GRHL1: variants seen among roughly 807,000 people sequenced by gnomAD.
GRHL1 encodes grainyhead like transcription factor 1.
A neutral mutation model predicts 75.7 loss-of-function variants in GRHL1; 38 were observed. The observed-to-expected ratio is 0.50, with a 90% CI of 0.39 to 0.66. The LOEUF is 0.66. Ranked by LOEUF, GRHL1 falls within the 30% of genes least tolerant of loss-of-function variation. GRHL1 has a pLI of 0.00. For synonymous variants in GRHL1, 266 were observed against 279.4 expected, an observed-to-expected ratio of 0.95 and a Z score of 0.48; for missense variants, 589 against 767.5, an observed-to-expected ratio of 0.77 and a Z score of 2.75.
rs1227015836 is a variant in GRHL1 at position 9,979,151 on chromosome 2, C to CAAAAAAAAAAAAAAAA, written c.1111-6972_1111-6957dup. Among the ~76,000 whole-genome samples, 88 of 60,344 alleles carry CAAAAAAAAAAAAAAAA rather than the reference C, an allele frequency of 1.5e-3. 8 individuals are homozygous for CAAAAAAAAAAAAAAAA. Among genetic ancestry groups the CAAAAAAAAAAAAAAAA allele is most frequent in the African/African-American group, 5.5e-3 (77 of 14,128 alleles). The allele number at this position is 60,344 out of a possible 152,430, so 39.6% of individuals were successfully genotyped here. A position where few individuals can be genotyped will look rare whatever the true frequency, so the allele number is the denominator to read the frequency against. On this transcript the variant is annotated intron_variant, in intron 8 of 15. Transcript: ENST00000324907. ...TTCCAGCCTGGGCAAGACTCTCTCT[C>CAAAAAAAAAAAAAAAA]AAAAAAAAAAAAAAAAGGAAACCTT...
intron 8 of GRHL1, among the ~76,000 whole-genome samples, chr2:9,974,698 G>C (rs1163029912): frequency 6.6e-6 from 1 of 152,202 alleles, no homozygotes; most frequent in African/African-American, 2.4e-5. Flanking sequence ...TTCTATGCAA[G>C]GTGATCACTC....
At chr2:9,975,011 T>C (rs1667886782) in intron 8 of GRHL1, among the ~76,000 whole-genome samples, 1 of 152,228 alleles carries the variant, frequency 6.6e-6, no homozygotes. Context: ...AAAAGATGTT[T>C]GATTGGGTCG....
chr2:9,970,961 C>T (rs1469596523), intron 8 of GRHL1, among the ~76,000 whole-genome samples: 1 of 152,042 alleles, frequency 6.6e-6, no homozygotes, highest in African/African-American at 2.4e-5. Context: ...TCTGTTTTGT[C>T]TCCTTGTCTC....
rs1668419277 is a variant in GRHL1, at chr2:9,986,422, AT to A, written c.1269+143del. On this transcript the variant is annotated intron_variant, in intron 9 of 15. Transcript: ENST00000324907. Reference sequence around the variant, plus strand: ...CTTTTAAAATTATTTTTATTTATTTATTTATTTATTGTTGAGACAGAGTCTC... The same window carrying A: ...CTTTTAAAATTATTTTTATTTATTTATTATTTATTGTTGAGACAGAGTCTC... The A allele has an allele frequency of 7.1e-6, 3 of 421,622 alleles. No individual in the cohort carries two copies. In the Admixed American group the frequency reaches 1.4e-4, roughly 19 times the overall value. The allele number at this position is 421,622 out of a possible 1,614,324, so 26.1% of individuals were successfully genotyped here. A position where few individuals can be genotyped will look rare whatever the true frequency, so the allele number is the denominator to read the frequency against.
chr2:9,998,411 C>A, intron 14 of GRHL1, among the ~76,000 whole-genome samples: 1 of 114,658 alleles, frequency 8.7e-6, no homozygotes, highest in East Asian at 2.4e-4. Flanking sequence ...AACAAAAAGT[C>A]GAGTGACTAT....
At chr2:9,998,423 C>CGTGCGTGTGTGTGTGTGT (rs1553306759) in intron 14 of GRHL1, among the ~76,000 whole-genome samples, 1 of 33,844 alleles carries the variant, frequency 3.0e-5, no homozygotes, top group African/African-American at 1.7e-4. Flanking sequence ...AGTGACTATG[C>CGTGCGTGTGTGTGTGTGT]ATGTGTGTGT....
rs1185968051 is a variant in GRHL1, at chr2:9,990,849, C to T, written c.1321+102C>T. ...TTGAGAATGGTGGCTGGAGTTTGCA[C>T]GCAGAAGACAGTGGGTGTTCTTCCT... On this transcript the variant is annotated intron_variant, in intron 10 of 15. Transcript: ENST00000324907. The surrounding 1 kb of genome is among the most constrained non-coding windows in gnomAD (Gnocchi z 4.2). The T allele has an allele frequency of 2.6e-5, 23 of 874,166 alleles. No homozygotes were observed. The highest frequency in any genetic ancestry group is 3.9e-5 in the Non-Finnish European group (21 of 543,174). The allele number at this position is 874,166 out of a possible 1,614,324, so 54.2% of individuals were successfully genotyped here. A position where few individuals can be genotyped will look rare whatever the true frequency, so the allele number is the denominator to read the frequency against.
intron 14 of GRHL1, among the ~76,000 whole-genome samples, chr2:9,998,281 A>C (rs903920486): frequency 6.6e-6 from 1 of 151,430 alleles, no homozygotes; most frequent in Non-Finnish European, 1.5e-5. Flanking sequence ...TCCCGAAAGG[A>C]AGACAGCCAC....
Position 9,998,771 on chromosome 2 carries a change from C to CATAT in GRHL1, c.1678-193_1678-192insTATA, listed in dbSNP as rs201546419. Among the ~76,000 whole-genome samples the CATAT allele has an allele frequency of 6.1e-5, 2 of 32,778 alleles. 1 individual carries two copies. The highest frequency in any genetic ancestry group is 1.3e-3 in the East Asian group (2 of 1,494). The allele number at this position is 32,778 out of a possible 152,430, so 21.5% of individuals were successfully genotyped here. A position where few individuals can be genotyped will look rare whatever the true frequency, so the allele number is the denominator to read the frequency against. Reference sequence around the variant, plus strand: ...ACATATATACGTATATATATGTACACACATATATACGTATATATATGTACA... The same window carrying CATAT: ...ACATATATACGTATATATATGTACACATATACATATATACGTATATATATGTACA... On this transcript the variant is annotated intron_variant, in intron 14 of 15. Coordinates refer to ENST00000324907, the MANE Select transcript of GRHL1 (RefSeq NM_198182.3).
Position 10,000,514 on chromosome 2 carries a change from A to T in GRHL1, c.1743-79A>T, listed in dbSNP as rs906551711. On this transcript the variant is annotated intron_variant, in intron 15 of 15. Transcript: ENST00000324907. ...TCACATGCTGCAACTAGTAAGTGGGAGAGCTAACAGGTCAATCTAGGTCTG... is the reference window on the plus strand; with the variant it reads ...TCACATGCTGCAACTAGTAAGTGGGTGAGCTAACAGGTCAATCTAGGTCTG... 3 of 731,572 alleles carry T rather than the reference A, an allele frequency of 4.1e-6. No individual in the cohort carries two copies. The African/African-American group carries it at 5.3e-5, about 13-fold the overall frequency. 45.3% of individuals were successfully genotyped at this position (731,572 alleles called of 1,614,324 possible). A position where few individuals can be genotyped will look rare whatever the true frequency, so the allele number is the denominator to read the frequency against.
intron 12 of GRHL1, among the ~76,000 whole-genome samples, chr2:9,994,270 G>A (rs1449714013): frequency 1.3e-5 from 2 of 151,420 alleles, no homozygotes; most frequent in Non-Finnish European, 2.9e-5. Context: ...TCAGACTCCT[G>A]AGTAGGTGGG....
chr2:9,997,090 G>A (rs1056024623), intron 14 of GRHL1, among the ~76,000 whole-genome samples: 8 of 152,140 alleles, frequency 5.3e-5, no homozygotes, highest in African/African-American at 1.9e-4. Flanking sequence ...TCCATAATTG[G>A]GCTAAAAGCA....
At chr2:9,980,141 G>A (rs1668135136) in intron 8 of GRHL1, among the ~76,000 whole-genome samples, 1 of 150,436 alleles carries the variant, frequency 6.6e-6, no homozygotes, top group Non-Finnish European at 1.5e-5. Context: ...TCTGTGTTTT[G>A]AGCACACTGG....
At chr2:9,966,745 C>T (rs1667511205) in intron 8 of GRHL1, among the ~76,000 whole-genome samples, 3 of 151,934 alleles carry the variant, frequency 2.0e-5, no homozygotes, top group South Asian at 2.1e-4. Context: ...TCTTTCTTAT[C>T]GTTGTCATCA....
chr2:9,989,265 C>T (rs1668544595), intron 9 of GRHL1, among the ~76,000 whole-genome samples: 1 of 152,008 alleles, frequency 6.6e-6, no homozygotes, highest in African/African-American at 2.4e-5. Context: ...CCTCTTTTTG[C>T]TCTCAGCAAA....
chr2:9,974,786 T>C (rs564515633), intron 8 of GRHL1, among the ~76,000 whole-genome samples: 10 of 152,366 alleles, frequency 6.6e-5, no homozygotes, highest in Admixed American at 6.5e-4. Context: ...CATTCATTCA[T>C]TGAGCGAATT....
chr2:9,999,873 A>AT lies in GRHL1; in HGVS notation c.1743-714dup, dbSNP rs1409518347. Among the ~76,000 whole-genome samples, 7 of 152,232 alleles carry AT rather than the reference A, an allele frequency of 4.6e-5. No homozygotes were observed. The East Asian group carries it at 1.3e-3, about 29-fold the overall frequency. The stretch of plus-strand genomic sequence containing the variant: ...TTATTTTCTTGTTTTTGTATTCTTT[A>AT]TTTTTTGTTTGATAATAGTAGTTCA... On this transcript the variant is annotated intron_variant, in intron 15 of 15. Coordinates refer to ENST00000324907, the MANE Select transcript of GRHL1 (RefSeq NM_198182.3).
At position 9,965,370 on chromosome 2, in the gene GRHL1, G is replaced by A. The variant is rs371814208; in HGVS notation, c.1099G>A (p.Asp367Asn). ...CATTTCCTTCACATGGGACATCAAC[G>A]ATGAAGCAAAGGTGGGTGGTGAGGT... ...NAISFTWDINDEAKVFISVNC... is the reference protein window; with the variant it reads ...NAISFTWDINNEAKVFISVNC... The change falls in exon 8 of 16, where the codon GAT becomes AAT. Residue 367 changes from aspartate to asparagine, a missense_variant. By Grantham distance (23) the Asp-to-Asn change is conservative (BLOSUM62 1). Around this residue, in one of 5 missense-constraint regions of GRHL1, gnomAD observed 362 missense variants for 461.8 expected, o/e 0.78. Coordinates refer to ENST00000324907, the MANE Select transcript of GRHL1 (RefSeq NM_198182.3). 2.4e-5 allele frequency: 39 copies of A among 1,600,580 alleles called. No individual in the cohort carries two copies. Among genetic ancestry groups the A allele is most frequent in the Non-Finnish European group, 3.0e-5 (35 of 1,167,722 alleles).
intron 8 of GRHL1, among the ~76,000 whole-genome samples, chr2:9,970,623 C>T (rs562878799): frequency 2.0e-5 from 3 of 152,296 alleles, no homozygotes; most frequent in South Asian, 2.1e-4. Flanking sequence ...GTTCAGTCCC[C>T]GTCCATTTTT....
Sources: allele counts gnomAD v4.1 joint callset (sites outside exome capture counted in the v4.1 genomes callset), GRCh38; gene constraint gnomAD v4.1.1; regional missense constraint gnomAD v4.1.1; non-coding constraint Gnocchi (gnomAD v3.1); transcripts MANE v1.5; gene names NCBI Gene and HGNC (gene_info 2026-07-23, HGNC 2026-07-21).